The following LCLAT1 variants were observed in gnomAD, a reference collection of about 807,000 sequenced individuals.
LCLAT1 encodes lysocardiolipin acyltransferase 1.
In LCLAT1, 11 loss-of-function variants were observed where a neutral mutation model predicts 30.7. The ratio of observed to expected loss-of-function variants is 0.36; its 90% CI spans 0.23 to 0.59. The LOEUF (loss-of-function observed/expected upper bound fraction) is 0.59, where lower values mean the gene tolerates loss of function less well. LCLAT1 is among the 20% of genes least tolerant of loss of function. LCLAT1 has a pLI of 0.77. For missense variants in LCLAT1, 402 were observed against 458.6 expected (o/e 0.88, Z 1.13); for synonymous variants, 155 against 151.3 (o/e 1.02, Z -0.18).
chr2:30,538,473 A>C (rs1663919165), intron 3 of LCLAT1, among the ~76,000 whole-genome samples: 1 of 151,692 alleles, frequency 6.6e-6, no homozygotes, highest in African/African-American at 2.4e-5. Context: ...GAAACCCCAT[A>C]TCTACTAAAA....
intron 5 of LCLAT1, among the ~76,000 whole-genome samples, chr2:30,585,550 T>C (rs1326946650): frequency 3.3e-5 from 5 of 152,200 alleles, no homozygotes; most frequent in African/African-American, 1.2e-4. Flanking sequence ...TCTTCAGGAA[T>C]TGCTCCACCT....
chr2:30,619,939 A>G (rs1668162375), intron 5 of LCLAT1, among the ~76,000 whole-genome samples: 1 of 152,218 alleles, frequency 6.6e-6, no homozygotes, highest in Non-Finnish European at 1.5e-5. Flanking sequence ...AAGTTATGGT[A>G]GTTAACTGTT....
chr2:30,604,177 A>G (rs1159430925), intron 5 of LCLAT1, among the ~76,000 whole-genome samples: 1 of 152,150 alleles, frequency 6.6e-6, no homozygotes, highest in Non-Finnish European at 1.5e-5. Context: ...TTGGGGCTAC[A>G]ACAGTGTGAC....
chr2:30,461,897 C>A (rs1056326675), intron 1 of LCLAT1, among the ~76,000 whole-genome samples: 8 of 150,556 alleles, frequency 5.3e-5, no homozygotes, highest in African/African-American at 1.7e-4. Context: ...CAGCCTCCCG[C>A]GTAGCTGGGA....
At chr2:30,503,676 TAA>T (rs765314105) in intron 1 of LCLAT1, among the ~76,000 whole-genome samples, 26 of 152,226 alleles carry the variant, frequency 1.7e-4, no homozygotes, top group Non-Finnish European at 3.2e-4. Flanking sequence ...GTGATATTTT[TAA>T]AAGTTTGCTG....
chr2:30,516,001 C>G (rs1325557317), intron 1 of LCLAT1, among the ~76,000 whole-genome samples: 1 of 152,104 alleles, frequency 6.6e-6, no homozygotes, highest in African/African-American at 2.4e-5. Flanking sequence ...GAATTCCTAA[C>G]CCTAGCTGGG....
intron 5 of LCLAT1, among the ~76,000 whole-genome samples, chr2:30,580,997 G>C (rs747945656): frequency 6.6e-6 from 1 of 152,126 alleles, no homozygotes; most frequent in Non-Finnish European, 1.5e-5. Context: ...TTTGCTGGAA[G>C]GCCCTGTGCT....
chr2:30,522,992 C>T (rs1484513036), intron 1 of LCLAT1, among the ~76,000 whole-genome samples: 3 of 151,794 alleles, frequency 2.0e-5, no homozygotes, highest in Non-Finnish European at 4.4e-5. Context: ...TTCTGTTAAT[C>T]ACATCAAATC....
intron 1 of LCLAT1, among the ~76,000 whole-genome samples, chr2:30,452,915 C>T (rs1313632980): frequency 6.6e-6 from 1 of 151,966 alleles, no homozygotes; most frequent in Non-Finnish European, 1.5e-5. Context: ...TGTAAAAACT[C>T]GGGAGGCAAA....
At chr2:30,563,495 C>T (rs1665335887) in intron 4 of LCLAT1, among the ~76,000 whole-genome samples, 1 of 152,100 alleles carries the variant, frequency 6.6e-6, no homozygotes, top group Non-Finnish European at 1.5e-5. Flanking sequence ...TTGATAGTCC[C>T]GATAACTTCA....
At chr2:30,461,121 A>G (rs1682099936) in intron 1 of LCLAT1, among the ~76,000 whole-genome samples, 1 of 152,218 alleles carries the variant, frequency 6.6e-6, no homozygotes, top group Non-Finnish European at 1.5e-5. Context: ...CTGAATTTGT[A>G]GCCAAGTTGG....
intron 3 of LCLAT1, among the ~76,000 whole-genome samples, chr2:30,547,752 G>A (rs767795163): frequency 2.6e-5 from 4 of 152,040 alleles, no homozygotes; most frequent in Non-Finnish European, 4.4e-5. Context: ...TCCTGAACTA[G>A]CGTTGGGGCC....
rs760849731 is a variant in LCLAT1 at position 30,568,176 on chromosome 2, G to T, written c.628G>T (p.Gly210Cys). Reference sequence around the variant, plus strand: ...TTTTGTGGTAGACCGTCTAAGAGAAGGTAAGCACCCATTTCAAAATGTACT... The same window carrying T: ...TTTTGTGGTAGACCGTCTAAGAGAATGTAAGCACCCATTTCAAAATGTACT... ...FTFVVDRLREGKNLDAVHDIT... is the reference protein window; with the variant it reads ...FTFVVDRLRECKNLDAVHDIT... The change falls in exon 5 of 6, where the codon GGT becomes TGT. Residue 210 changes from glycine to cysteine, a missense_variant and splice_region_variant. Coordinates refer to ENST00000379509, the MANE Select transcript of LCLAT1 (RefSeq NM_001002257.3). 1.3e-6 allele frequency: 2 copies of T among 1,505,258 alleles called. No homozygotes were observed. Among genetic ancestry groups the T allele is most frequent in the Admixed American group, 1.9e-5 (1 of 51,298 alleles). 93.2% of individuals were successfully genotyped at this position (1,505,258 alleles called of 1,614,324 possible). A position where few individuals can be genotyped will look rare whatever the true frequency, so the allele number is the denominator to read the frequency against.
chr2:30,587,369 T>G (rs138993904), intron 5 of LCLAT1, among the ~76,000 whole-genome samples: 120 of 152,358 alleles, frequency 7.9e-4, no homozygotes, highest in African/African-American at 2.7e-3. Context: ...ATCTTTCTCA[T>G]GCGGTTACTG....
chr2:30,465,908 T>C (rs923917642), intron 1 of LCLAT1, among the ~76,000 whole-genome samples: 1 of 152,146 alleles, frequency 6.6e-6, no homozygotes, highest in African/African-American at 2.4e-5. Context: ...TGTTAAAACT[T>C]TCCCCAAATT....
At chr2:30,483,618 A>T (rs545612452) in intron 1 of LCLAT1, among the ~76,000 whole-genome samples, 1 of 152,264 alleles carries the variant, frequency 6.6e-6, no homozygotes, top group South Asian at 2.1e-4. Context: ...ATGAAAACTC[A>T]TCTTTAATTT....
At chr2:30,478,560 T>TC (rs1206552128) in intron 1 of LCLAT1, among the ~76,000 whole-genome samples, 1 of 152,120 alleles carries the variant, frequency 6.6e-6, no homozygotes. Context: ...GTGCCTATAG[T>TC]CCTAGTACTT....
At chr2:30,508,556 A>G (rs1011771160) in intron 1 of LCLAT1, among the ~76,000 whole-genome samples, 1 of 152,094 alleles carries the variant, frequency 6.6e-6, no homozygotes, top group Non-Finnish European at 1.5e-5. Flanking sequence ...AAGATCAGAT[A>G]GTTGTAGGCG....
At chr2:30,455,624 G>T (rs1681794525) in intron 1 of LCLAT1, among the ~76,000 whole-genome samples, 1 of 152,102 alleles carries the variant, frequency 6.6e-6, no homozygotes, top group Non-Finnish European at 1.5e-5. Context: ...CTTAGGCTGG[G>T]TGTGGTGGCT....
Sources: gnomAD v4.1 joint callset for allele counts (sites outside exome capture counted in the v4.1 genomes callset) on GRCh38, gnomAD v4.1.1 for gene constraint, MANE v1.5 for transcripts, NCBI Gene and HGNC (gene_info 2026-07-23, HGNC 2026-07-21) for gene names.